Variants in AFF3 observed in about 807,000 individuals in gnomAD.
AFF3 encodes the protein AF4/FMR2 family member 3.
In AFF3, 32 loss-of-function variants were observed where a neutral mutation model predicts 129.7. That is an observed-to-expected ratio of 0.25 (90% CI 0.19 to 0.33). The LOEUF is 0.33. Ranked by LOEUF, AFF3 falls within the 10% of genes least tolerant of loss-of-function variation. AFF3 has a pLI of 1.00. For missense variants in AFF3, 1,373 were observed against 1,592.0 expected (o/e 0.86, Z 2.34); for synonymous variants, 644 against 635.4 (o/e 1.01, Z -0.20).
chr2:99,697,616 A>G (rs1203678182), intron 11 of AFF3, among the ~76,000 whole-genome samples: 1 of 152,254 alleles, frequency 6.6e-6, no homozygotes, highest in Non-Finnish European at 1.5e-5. Context: ...TGCGATCAGA[A>G]TAAGAGGAAA....
intron 7 of AFF3, among the ~76,000 whole-genome samples, chr2:99,921,650 G>C (rs1354193589): frequency 6.6e-6 from 1 of 152,076 alleles, no homozygotes; most frequent in Non-Finnish European, 1.5e-5. Context: ...TTTAAAAAGA[G>C]TTATTAGAAT....
intron 8 of AFF3, among the ~76,000 whole-genome samples, chr2:99,789,145 A>G (rs952567698): frequency 6.6e-6 from 1 of 152,302 alleles, no homozygotes; most frequent in East Asian, 1.9e-4. Flanking sequence ...CATAATTTTA[A>G]TAAGTTGTTG....
chr2:99,620,092 A>G (rs1257335245), intron 13 of AFF3, among the ~76,000 whole-genome samples: 1 of 152,158 alleles, frequency 6.6e-6, no homozygotes, highest in Non-Finnish European at 1.5e-5. Context: ...TGGGTATTCC[A>G]GACAAACCAG....
intron 11 of AFF3, among the ~76,000 whole-genome samples, chr2:99,702,485 G>A (rs1244528238): frequency 6.6e-6 from 1 of 152,092 alleles, no homozygotes; most frequent in African/African-American, 2.4e-5. Context: ...GATTACAGGT[G>A]TGGGCCACCA....
intron 7 of AFF3, among the ~76,000 whole-genome samples, chr2:99,879,268 A>G (rs1163286213): frequency 6.6e-6 from 1 of 152,168 alleles, no homozygotes; most frequent in African/African-American, 2.4e-5. Flanking sequence ...TCTTGAAATC[A>G]TTTCCTTTCC....
At chr2:99,673,895 C>A (rs1687389268) in intron 11 of AFF3, among the ~76,000 whole-genome samples, 1 of 152,158 alleles carries the variant, frequency 6.6e-6, no homozygotes, top group South Asian at 2.1e-4. Flanking sequence ...GCACCCTGAC[C>A]CCATTTCCCT....
intron 18 of AFF3, among the ~76,000 whole-genome samples, chr2:99,577,145 A>G (rs185429818): frequency 6.6e-6 from 1 of 152,248 alleles, no homozygotes; most frequent in African/African-American, 2.4e-5. Flanking sequence ...TTTGGCTTTC[A>G]CCCCCAAAAC....
At chr2:99,798,375 T>C (rs1406158884) in intron 8 of AFF3, among the ~76,000 whole-genome samples, 3 of 152,006 alleles carry the variant, frequency 2.0e-5, no homozygotes, top group Non-Finnish European at 4.4e-5. Context: ...CATTCAATGC[T>C]AACTGCATTG....
At chr2:99,758,909 C>G (rs552316629) in intron 8 of AFF3, among the ~76,000 whole-genome samples, 1 of 152,276 alleles carries the variant, frequency 6.6e-6, no homozygotes, top group African/African-American at 2.4e-5. Flanking sequence ...CCCTAGTACT[C>G]AAGACCTTCT....
In AFF3 at chr2:100,039,202, G is replaced by A. The variant is rs572803059; in HGVS notation, c.54-30270C>T. Among the ~76,000 whole-genome samples the A allele has an allele frequency of 1.1e-4, 17 of 152,062 alleles. 1 individual carries two copies. The South Asian group carries it at 3.1e-3, about 28-fold the overall frequency. The stretch of plus-strand genomic sequence containing the variant: ...TGGCTTCCCCAATAGCTATCTTATC[G>A]AATTCACAGTCCTTCAAGTGTTTTC... On this transcript the variant is annotated intron_variant, in intron 4 of 24. Transcript: ENST00000672756.
chr2:99,837,512 C>G lies in AFF3; in HGVS notation c.886G>C (p.Gly296Arg). 1 of 1,613,568 alleles carries G rather than the reference C, an allele frequency of 6.2e-7. No individual in the cohort carries two copies. The highest frequency in any genetic ancestry group is 8.5e-7 in the Non-Finnish European group (1 of 1,179,836). Residue 296 changes from glycine to arginine, a missense_variant, in exon 8 of 25, where the codon GGA becomes CGA. Coordinates refer to ENST00000672756, the MANE Select transcript of AFF3 (RefSeq NM_001386135.1). Reference protein sequence around the residue: ...IPKQGEESRSGETNSCVEEII... With the variant: ...IPKQGEESRSRETNSCVEEII... Reference sequence around the variant, plus strand: ...TCTTCAACACAGCTGTTGGTTTCTCCAGATCTACTCTCCTGAAAGCAAAGA... The same window carrying G: ...TCTTCAACACAGCTGTTGGTTTCTCGAGATCTACTCTCCTGAAAGCAAAGA...
chr2:99,749,059 A>G (rs1681409339), intron 9 of AFF3, among the ~76,000 whole-genome samples: 1 of 152,234 alleles, frequency 6.6e-6, no homozygotes, highest in Admixed American at 6.5e-5. Context: ...TGTATGAATA[A>G]TATATGATGT....
chr2:99,546,298 G>A lies in AFF3; in HGVS notation c.*5176C>T, dbSNP rs2104415859. On this transcript the variant is annotated 3_prime_UTR_variant, in exon 25 of 25. Transcript: ENST00000672756. ...CACCTCTGAAAGAGTATCAAGCTCAGTGGTTGGTGAAGCAAAGCCAAGTTC... is the reference window on the plus strand; with the variant it reads ...CACCTCTGAAAGAGTATCAAGCTCAATGGTTGGTGAAGCAAAGCCAAGTTC... 2 of 232,986 alleles carry A rather than the reference G, an allele frequency of 8.6e-6. No individual in the cohort carries two copies. Among genetic ancestry groups the A allele is most frequent in the South Asian group, 3.6e-4 (2 of 5,526 alleles). The allele number at this position is 232,986 out of a possible 1,614,324, so 14.4% of individuals were successfully genotyped here.
chr2:99,969,402 A>AT (rs1158904673), intron 7 of AFF3, among the ~76,000 whole-genome samples: 1 of 152,256 alleles, frequency 6.6e-6, no homozygotes, highest in Admixed American at 6.5e-5. Context: ...ATTATTTCTT[A>AT]TTAATGGAAA....
intron 7 of AFF3, among the ~76,000 whole-genome samples, chr2:99,853,584 T>C (rs1052581511): frequency 6.6e-6 from 1 of 152,204 alleles, no homozygotes; most frequent in African/African-American, 2.4e-5. Context: ...AAGTGCTTTA[T>C]AGTCATTATA....
In AFF3 at chr2:99,549,761, C is replaced by A; in HGVS notation, c.*1713G>T. The A allele has an allele frequency of 4.6e-6, 1 of 219,228 alleles. No individual in the cohort carries two copies. The highest frequency in any genetic ancestry group is 6.7e-5 in the East Asian group (1 of 14,920). The allele number at this position is 219,228 out of a possible 1,614,324, so 13.6% of individuals were successfully genotyped here. ...TTCAGTCATTTATACAATTTTGAAT[C>A]AGTGCTCAGAGCTAAGGAATTATGA... On this transcript the variant is annotated 3_prime_UTR_variant, in exon 25 of 25. Coordinates refer to ENST00000672756, the MANE Select transcript of AFF3 (RefSeq NM_001386135.1).
At chr2:100,125,977 G>A (rs186403596) in intron 2 of AFF3, among the ~76,000 whole-genome samples, 7 of 152,298 alleles carry the variant, frequency 4.6e-5, no homozygotes, top group African/African-American at 1.7e-4. Flanking sequence ...ATGGCATTCT[G>A]TTCTTAACTG....
intron 18 of AFF3, among the ~76,000 whole-genome samples, chr2:99,577,136 T>G (rs551294294): frequency 6.6e-6 from 1 of 152,322 alleles, no homozygotes; most frequent in South Asian, 2.1e-4. Context: ...AAATGTGGAT[T>G]TGGCTTTCAC....
Position 99,839,972 on chromosome 2 carries a change from G to C in AFF3, c.874-2448C>G, listed in dbSNP as rs150594935. Among the ~76,000 whole-genome samples the C allele has an allele frequency of 3.1e-4, 46 of 150,558 alleles. No individual in the cohort carries two copies. In the East Asian group the frequency reaches 6.6e-3, roughly 21 times the overall value. ...ACTGAACATTTGTTTATCTTCTTTG[G>C]AGAAATGTTTATTCAAGCACTTTGC... On this transcript the variant is annotated intron_variant, in intron 7 of 24. Transcript: ENST00000672756.
Sources: allele counts gnomAD v4.1 joint callset (sites outside exome capture counted in the v4.1 genomes callset), GRCh38; gene constraint gnomAD v4.1.1; transcripts MANE v1.5; gene names NCBI Gene and HGNC (gene_info 2026-07-23, HGNC 2026-07-21).